The following AURKC variants were observed in gnomAD, a reference collection of about 807,000 sequenced individuals.
The protein encoded by AURKC is aurora kinase C.
AURKC carries 15 observed loss-of-function variants against 29.2 expected under a neutral mutation model. That is an observed-to-expected ratio of 0.51 (90% CI 0.34 to 0.79). AURKC has a LOEUF of 0.79. Among genes scored for constraint, AURKC ranks in the 30% least tolerant of loss-of-function variants. The probability of loss-of-function intolerance (pLI) is 0.01; values close to 1 mark genes in which losing one functional copy is unlikely to be tolerated. For missense variants in AURKC, 332 were observed against 383.2 expected, an observed-to-expected ratio of 0.87 and a Z score of 1.12; for synonymous variants, 150 against 149.9, an observed-to-expected ratio of 1.00 and a Z score of -0.01.
Position 57,232,030 on chromosome 19 carries a change from C to G in AURKC, c.105-3C>G. 1.2e-6 allele frequency: 2 copies of G among 1,614,098 alleles called. No individual in the cohort carries two copies. Among genetic ancestry groups the G allele is most frequent in the Non-Finnish European group, 1.7e-6 (2 of 1,180,022 alleles). ...TGAGGCTTTTTTCTTCCTCTCCTGT[C>G]AGGCGGCGCCTCACAGTCGATGACT... is the stretch of plus-strand genomic sequence containing the variant. On this transcript the variant is annotated splice_region_variant and splice_polypyrimidine_tract_variant and intron_variant, in intron 2 of 6. Coordinates refer to ENST00000302804, the MANE Select transcript of AURKC (RefSeq NM_001015878.2). This position sits in a 1 kb window ranked among gnomAD's most constrained non-coding sequence, Gnocchi z 4.5.
chr19:57,231,379 A>T, intron 1 of AURKC, 73 bp downstream of exon 1: 1 of 1,473,156 alleles, frequency 6.8e-7, no homozygotes, highest in South Asian at 1.2e-5. Flanking sequence ...CACAGAAGAC[A>T]CATGTGTTGA....
Position 57,232,772 on chromosome 19 carries a change from C to T in AURKC, c.435+92C>T. On this transcript the variant is annotated intron_variant, in intron 4 of 6. Coordinates refer to ENST00000302804, the MANE Select transcript of AURKC (RefSeq NM_001015878.2). This position sits in a 1 kb window ranked among gnomAD's most constrained non-coding sequence, Gnocchi z 4.5. ...TGGCTGTCAGGAGGGTCCGCATTGC[C>T]TTCTGAGAAGTTTACTTCTGAATGT... 3 of 1,538,924 alleles carry T rather than the reference C, an allele frequency of 1.9e-6. No homozygotes were observed. The highest frequency in any genetic ancestry group is 2.7e-6 in the Non-Finnish European group (3 of 1,118,536).
At chr19:57,231,607 C>G (rs939827017) in intron 1 of AURKC, 135 bp from the exon 2 acceptor site, 1 of 952,798 alleles carries the variant, frequency 1.0e-6, no homozygotes, top group Admixed American at 2.1e-5. Flanking sequence ...CCTTCCCTCT[C>G]TTTCTCTCCT....
chr19:57,235,085 T>C (rs769029273), intron 6 of AURKC, 27 bp downstream of exon 6: 47 of 1,613,714 alleles, frequency 2.9e-5, no homozygotes, highest in Middle Eastern at 1.7e-4. Flanking sequence ...TGGGCATTCA[T>C]GGGGGAGCTG....
chr19:57,231,133 CAGGATTGGAAGCG>C lies in AURKC; in HGVS notation c.-115_-103del, dbSNP rs59074707. Reference sequence around the variant, plus strand: ...GACATCAGTGAGGCTGCAGGACGAGCAGGATTGGAAGCGCCCCGGCCAGAAAGTGACCCCCCAC... The same window carrying C: ...GACATCAGTGAGGCTGCAGGACGAGCCCCCGGCCAGAAAGTGACCCCCCAC... On this transcript the variant is annotated 5_prime_UTR_variant, in exon 1 of 7. Transcript: ENST00000302804. 1,200 of 98,190 alleles carry C rather than the reference CAGGATTGGAAGCG, an allele frequency of 0.012. No individual in the cohort carries two copies. The highest frequency in any genetic ancestry group is 0.015 in the Admixed American group (30 of 1,944). 6.1% of individuals were successfully genotyped at this position (98,190 alleles called of 1,614,324 possible).
intron 4 of AURKC, among the ~76,000 whole-genome samples, chr19:57,233,156 G>A (rs533426712): frequency 2.0e-5 from 3 of 152,190 alleles, no homozygotes; most frequent in East Asian, 1.9e-4. Flanking sequence ...TCACTTCCTC[G>A]GGCCTCAAGT....
Position 57,235,291 on chromosome 19 carries a change from CTTGAT to C in AURKC, c.807_811del (p.Leu269PhefsTer72). On this transcript the variant is annotated frameshift_variant, in exon 7 of 7. Coordinates refer to ENST00000302804, the MANE Select transcript of AURKC (RefSeq NM_001015878.2). LOFTEE classifies it low-confidence loss of function (END_TRUNC). ...TATCAATGCCTCTGGGGGCCCGGGA[CTTGAT>C]TTCCAGGCTTCTCAGATACCAGCCC... 3 of 1,614,190 alleles carry C rather than the reference CTTGAT, an allele frequency of 1.9e-6. No homozygotes were observed. Among genetic ancestry groups the C allele is most frequent in the Non-Finnish European group, 2.5e-6 (3 of 1,180,030 alleles).
At chr19:57,234,183 A>G (rs1310541908) in intron 5 of AURKC, among the ~76,000 whole-genome samples, 2 of 148,806 alleles carry the variant, frequency 1.3e-5, no homozygotes, top group African/African-American at 2.5e-5. Context: ...TCAGCCTCCC[A>G]AGTAGCTGGG....
At position 57,232,759 on chromosome 19, in the gene AURKC, G is replaced by A. The variant is rs1001447671; in HGVS notation, c.435+79G>A. On this transcript the variant is annotated intron_variant, in intron 4 of 6. Transcript: ENST00000302804. This position sits in a 1 kb window ranked among gnomAD's most constrained non-coding sequence, Gnocchi z 4.5. ...GGAGCTCTGTTTGTGGCTGTCAGGA[G>A]GGTCCGCATTGCCTTCTGAGAAGTT... 1 of 1,586,620 alleles carries A rather than the reference G, an allele frequency of 6.3e-7. No individual in the cohort carries two copies. The highest frequency in any genetic ancestry group is 8.6e-7 in the Non-Finnish European group (1 of 1,159,280).
chr19:57,232,987 CACTGAA>C lies in AURKC; in HGVS notation c.435+308_435+313del, dbSNP rs2087509103. On this transcript the variant is annotated intron_variant, in intron 4 of 6. Coordinates refer to ENST00000302804, the MANE Select transcript of AURKC (RefSeq NM_001015878.2). This position sits in a 1 kb window ranked among gnomAD's most constrained non-coding sequence, Gnocchi z 4.5. Reference sequence around the variant, plus strand: ...CATATTGAAAGGCTCTGAAGGAGTTCACTGAATAAATAGCTAGAACTGGCTTAGAGA... The same window carrying C: ...CATATTGAAAGGCTCTGAAGGAGTTCTAAATAGCTAGAACTGGCTTAGAGA... Among the ~76,000 whole-genome samples the C allele has an allele frequency of 6.6e-6, 1 of 152,100 alleles. No individual in the cohort carries two copies. The highest frequency in any genetic ancestry group is 2.4e-5 in the African/African-American group (1 of 41,422).
At position 57,232,972 on chromosome 19, in the gene AURKC, G is replaced by T. The variant is rs185593859; in HGVS notation, c.435+292G>T. ...CCTTATGTAAAGAAACATATTGAAA[G>T]GCTCTGAAGGAGTTCACTGAATAAA... is the stretch of plus-strand genomic sequence containing the variant. On this transcript the variant is annotated intron_variant, in intron 4 of 6. Coordinates refer to ENST00000302804, the MANE Select transcript of AURKC (RefSeq NM_001015878.2). The surrounding 1 kb of genome is among the most constrained non-coding windows in gnomAD (Gnocchi z 4.5). Among the ~76,000 whole-genome samples, 47 of 152,282 alleles carry T rather than the reference G, an allele frequency of 3.1e-4. No homozygotes were observed. Among genetic ancestry groups the T allele is most frequent in the Middle Eastern group, 6.8e-3 (2 of 294 alleles).
rs560403104 is a variant in AURKC at position 57,234,947 on chromosome 19, T to G, written c.648T>G (p.Tyr216Ter). 2 of 1,614,134 alleles carry G rather than the reference T, an allele frequency of 1.2e-6. No individual in the cohort carries two copies. Among genetic ancestry groups the G allele is most frequent in the South Asian group, 2.2e-5 (2 of 91,082 alleles). ...LPPEMIEGRT[Y>*]DEKVDLWCIG... is the part of the protein sequence containing the mutation. The stretch of plus-strand genomic sequence containing the variant: ...CAGAAATGATTGAGGGGAGAACATA[T>G]GATGAAAAGGTGGATTTGTGGTGCA... The change falls in exon 6 of 7, where the codon TAT becomes TAG. Residue 216 changes from tyrosine (Y) to a stop codon, truncating the protein, a stop_gained. Coordinates refer to ENST00000302804, the MANE Select transcript of AURKC (RefSeq NM_001015878.2). LOFTEE classifies it high-confidence loss of function.
In AURKC at chr19:57,231,211, G is replaced by A; in HGVS notation, c.-38G>A. On this transcript the variant is annotated 5_prime_UTR_variant, in exon 1 of 7. Coordinates refer to ENST00000302804, the MANE Select transcript of AURKC (RefSeq NM_001015878.2). ...TGTGAACGGGAACAGCCATCCAGAG[G>A]GTTCAGGAAGGCGTCCGCGCCCTCA... 1 of 1,551,638 alleles carries A rather than the reference G, an allele frequency of 6.4e-7. No homozygotes were observed. Among genetic ancestry groups the A allele is most frequent in the Non-Finnish European group, 8.7e-7 (1 of 1,146,950 alleles).
Position 57,231,269 on chromosome 19 carries a change from G to A in AURKC, c.21G>A (p.Val7=), listed in dbSNP as rs1399471858. ...TCCCCATGAGCTCCCCCAGAGCTGTGGTGCAGCTGGGCAAAGCTCAACCTG... is the reference window on the plus strand; with the variant it reads ...TCCCCATGAGCTCCCCCAGAGCTGTAGTGCAGCTGGGCAAAGCTCAACCTG... MSSPRA[V]VQLGKAQPAG... Residue 7 remains valine, a synonymous_variant, in exon 1 of 7, where the codon GTG becomes GTA. Coordinates refer to ENST00000302804, the MANE Select transcript of AURKC (RefSeq NM_001015878.2). 1 of 1,552,446 alleles carries A rather than the reference G, an allele frequency of 6.4e-7. No homozygotes were observed. The highest frequency in any genetic ancestry group is 8.7e-7 in the Non-Finnish European group (1 of 1,147,408).
In AURKC at chr19:57,231,939, A is replaced by G. The variant is rs1302948856; in HGVS notation, c.105-94A>G. On this transcript the variant is annotated intron_variant, in intron 2 of 6. Coordinates refer to ENST00000302804, the MANE Select transcript of AURKC (RefSeq NM_001015878.2). Reference sequence around the variant, plus strand: ...GAAGGGAAAGCGGCAGAGGAAGGATACAATGAAAGAGGAAGGGGAGCATTG... The same window carrying G: ...GAAGGGAAAGCGGCAGAGGAAGGATGCAATGAAAGAGGAAGGGGAGCATTG... 20 of 1,602,124 alleles carry G rather than the reference A, an allele frequency of 1.2e-5. No homozygotes were observed. The Admixed American group carries it at 3.3e-4, about 27-fold the overall frequency.
At position 57,233,579 on chromosome 19, in the gene AURKC, T is replaced by C; in HGVS notation, c.555T>C (p.Phe185=). The C allele has an allele frequency of 6.2e-7, 1 of 1,614,002 alleles. No homozygotes were observed. Among genetic ancestry groups the C allele is most frequent in the Non-Finnish European group, 8.5e-7 (1 of 1,180,032 alleles). The change falls in exon 5 of 7, where the codon TTT becomes TTC. Residue 185 remains phenylalanine, a synonymous_variant. Transcript: ENST00000302804. The part of the protein sequence containing the change: ...GFRGEVKIAD[F]GWSVHTPSLR... ...GGGGTGAGGTGAAGATTGCAGATTTTGGCTGGTCTGTGCACACCCCCTCCC... is the reference window on the plus strand; with the variant it reads ...GGGGTGAGGTGAAGATTGCAGATTTCGGCTGGTCTGTGCACACCCCCTCCC...
chr19:57,232,354 C>G lies in AURKC; in HGVS notation c.296+130C>G. ...TCTGCAGTTCATTCCATTTACACTA[C>G]CTCCTACCCTGGGTCAGACACTCGA... On this transcript the variant is annotated intron_variant, in intron 3 of 6. Transcript: ENST00000302804. The surrounding 1 kb of genome is among the most constrained non-coding windows in gnomAD (Gnocchi z 4.5). 1 of 1,391,952 alleles carries G rather than the reference C, an allele frequency of 7.2e-7. No individual in the cohort carries two copies. The highest frequency in any genetic ancestry group is 1.0e-6 in the Non-Finnish European group (1 of 1,002,086). The allele number at this position is 1,391,952 out of a possible 1,614,324, so 86.2% of individuals were successfully genotyped here.
rs754213322 is a variant in AURKC at position 57,235,400 on chromosome 19, G to T, written c.913G>T (p.Ala305Ser). ...CTCCCGAAGGGTGCTGCCTCCCTGT[G>T]CTCAGATGGCTTCCTGAGCCCTGTC... is the stretch of plus-strand genomic sequence containing the variant. ...AHSRRVLPPC[A>S]QMAS The change falls in exon 7 of 7, where the codon GCT becomes TCT. Residue 305 changes from alanine to serine, a missense_variant. Coordinates refer to ENST00000302804, the MANE Select transcript of AURKC (RefSeq NM_001015878.2). 6.2e-7 allele frequency: 1 copy of T among 1,613,848 alleles called. No homozygotes were observed. Among genetic ancestry groups the T allele is most frequent in the Non-Finnish European group, 8.5e-7 (1 of 1,180,032 alleles).
chr19:57,233,686 A>C, intron 5 of AURKC, 78 bp downstream of exon 5: 1 of 1,595,352 alleles, frequency 6.3e-7, no homozygotes, highest in Non-Finnish European at 8.6e-7. Flanking sequence ...TCATGTGTCC[A>C]TGTGTAAAAC....
Sources: allele counts gnomAD v4.1 joint callset (sites outside exome capture counted in the v4.1 genomes callset), GRCh38; gene constraint gnomAD v4.1.1; non-coding constraint Gnocchi (gnomAD v3.1); transcripts MANE v1.5; gene names NCBI Gene and HGNC (gene_info 2026-07-23, HGNC 2026-07-21).